GUCA1C: variants seen among roughly 807,000 people sequenced by gnomAD.
GUCA1C encodes guanylate cyclase activator 1C, also known as guanylyl cyclase-activating protein 3.
In GUCA1C, 15 loss-of-function variants were observed where a neutral mutation model predicts 16.2. The observed-to-expected ratio is 0.93, with a 90% CI of 0.62 to 1.43. The LOEUF is 1.43. Ranked by LOEUF, GUCA1C falls within the 40% of genes most tolerant of loss-of-function variation. The pLI is 0.00. For synonymous variants in GUCA1C, 78 were observed against 85.4 expected (o/e 0.91, Z 0.48); for missense variants, 275 against 244.8 (o/e 1.12, Z -0.82).
chr3:108,933,884 T>C (rs1182818984), intron 1 of GUCA1C, among the ~76,000 whole-genome samples: 5 of 152,190 alleles, frequency 3.3e-5, no homozygotes, highest in African/African-American at 9.6e-5. Context: ...TGCACACTCA[T>C]GTTTATTGCA....
chr3:108,920,634 TG>T, intron 1 of GUCA1C, 49 bp from the exon 2 acceptor site: 1 of 1,112,382 alleles, frequency 9.0e-7, no homozygotes, highest in African/African-American at 1.6e-5. Flanking sequence ...GAAGAATAAT[TG>T]TTTTTTATTT....
intron 1 of GUCA1C, among the ~76,000 whole-genome samples, chr3:108,951,908 T>A (rs1196353042): frequency 6.6e-6 from 1 of 152,196 alleles, no homozygotes; most frequent in Non-Finnish European, 1.5e-5. Context: ...CAGCAGATCC[T>A]TGCTTCCACC....
intron 1 of GUCA1C, among the ~76,000 whole-genome samples, chr3:108,943,681 A>G (rs910642081): frequency 2.6e-5 from 4 of 152,174 alleles, no homozygotes; most frequent in Admixed American, 1.3e-4. Flanking sequence ...GTAGAAAACT[A>G]CAGTAACATT....
intron 3 of GUCA1C, among the ~76,000 whole-genome samples, chr3:108,912,043 T>G (rs1325566858): frequency 6.6e-6 from 1 of 150,496 alleles, no homozygotes; most frequent in African/African-American, 2.4e-5. Context: ...GAGGCGGAGG[T>G]TGCAGTGAGC....
chr3:108,946,243 T>G (rs1397241668), intron 1 of GUCA1C, among the ~76,000 whole-genome samples: 1 of 152,206 alleles, frequency 6.6e-6, no homozygotes, highest in East Asian at 1.9e-4. Flanking sequence ...TCCTCCCACC[T>G]CAGCCTCCTA....
intron 1 of GUCA1C, among the ~76,000 whole-genome samples, chr3:108,932,332 AAAAAAAAC>A (rs1380204735): frequency 5.2e-5 from 6 of 114,784 alleles, no homozygotes; most frequent in African/African-American, 2.2e-4. Flanking sequence ...CCAAAAAAAA[AAAAAAAAC>A]AAAAAAAAAA....
chr3:108,953,608 T>A lies in GUCA1C; in HGVS notation c.155A>T (p.Lys52Met). The A allele has an allele frequency of 6.2e-7, 1 of 1,613,146 alleles. No individual in the cohort carries two copies. The highest frequency in any genetic ancestry group is 8.5e-7 in the Non-Finnish European group (1 of 1,179,082). Residue 52 changes from lysine to methionine, a missense_variant, in exon 1 of 4, where the codon AAG becomes ATG. By Grantham distance (95) the Lys-to-Met change is moderately conservative. Transcript: ENST00000261047. ...AACTTGATCAATATGTTTATTGGCC[T>A]TCTGATTCAGACCTTGCAGACCCAA... ...TLLGLQGLNQKANKHIDQVYN... is the reference protein window; with the variant it reads ...TLLGLQGLNQMANKHIDQVYN...
chr3:108,947,269 T>A (rs966564721), intron 1 of GUCA1C, among the ~76,000 whole-genome samples: 1 of 152,076 alleles, frequency 6.6e-6, no homozygotes, highest in African/African-American at 2.4e-5. Context: ...GAAAATATAT[T>A]TACTATTCTT....
intron 1 of GUCA1C, among the ~76,000 whole-genome samples, chr3:108,934,299 C>A (rs2107302389): frequency 6.6e-6 from 1 of 152,262 alleles, no homozygotes; most frequent in Admixed American, 6.5e-5. Context: ...ACCTATGTAA[C>A]AAACCTGCAT....
intron 1 of GUCA1C, among the ~76,000 whole-genome samples, chr3:108,951,359 T>G: frequency 6.6e-6 from 1 of 152,194 alleles, no homozygotes; most frequent in Admixed American, 6.5e-5. Context: ...ACAGTAACCC[T>G]TTTTCCTATC....
intron 1 of GUCA1C, among the ~76,000 whole-genome samples, chr3:108,922,558 T>C (rs1050923579): frequency 1.1e-4 from 16 of 152,150 alleles, no homozygotes; most frequent in African/African-American, 3.1e-4. Flanking sequence ...TGATATTGCA[T>C]TGTGGTTTTG....
intron 1 of GUCA1C, among the ~76,000 whole-genome samples, chr3:108,926,616 G>T (rs1946626071): frequency 6.6e-6 from 1 of 152,094 alleles, no homozygotes; most frequent in South Asian, 2.1e-4. Context: ...GAGTAGCTGG[G>T]ACTACAGGTG....
chr3:108,925,109 T>C (rs1432065816), intron 1 of GUCA1C, among the ~76,000 whole-genome samples: 2 of 151,930 alleles, frequency 1.3e-5, no homozygotes, highest in Non-Finnish European at 2.9e-5. Context: ...TTTTGTATTT[T>C]TTTTTTTGTT....
chr3:108,919,804 T>G (rs1479172521), intron 2 of GUCA1C, among the ~76,000 whole-genome samples: 3 of 152,310 alleles, frequency 2.0e-5, no homozygotes, highest in Admixed American at 2.0e-4. Flanking sequence ...CCTTACAAAT[T>G]CAATGTCTTG....
chr3:108,920,385 T>C (rs761906614), intron 2 of GUCA1C, 51 bp downstream of exon 2: 4 of 1,408,168 alleles, frequency 2.8e-6, no homozygotes, highest in Non-Finnish European at 3.0e-6. Flanking sequence ...GGAAGGGAAA[T>C]TGGGTTAACT....
upstream of GUCA1C, among the ~76,000 whole-genome samples, chr3:108,954,083 T>C (rs1946926753): frequency 6.6e-6 from 1 of 152,210 alleles, no homozygotes; most frequent in Non-Finnish European, 1.5e-5. Context: ...TTTGCCTACA[T>C]TATTGAGTGG....
intron 1 of GUCA1C, among the ~76,000 whole-genome samples, chr3:108,938,829 T>C (rs1946755461): frequency 1.3e-5 from 2 of 152,230 alleles, no homozygotes; most frequent in African/African-American, 4.8e-5. Context: ...CTGAGACAAA[T>C]GACTTCTCAT....
At chr3:108,953,493 A>G in intron 1 of GUCA1C, 66 bp downstream of exon 1, 2 of 1,120,472 alleles carry the variant, frequency 1.8e-6, no homozygotes, top group Non-Finnish European at 2.6e-6. Context: ...TACAGGAAAA[A>G]AAAAAAAAAG....
At chr3:108,940,081 T>C (rs1198937481) in intron 1 of GUCA1C, among the ~76,000 whole-genome samples, 1 of 152,226 alleles carries the variant, frequency 6.6e-6, no homozygotes. Flanking sequence ...TGCTTGATAG[T>C]ATATATGAAA....
Sources: gnomAD v4.1 joint callset for allele counts (sites outside exome capture counted in the v4.1 genomes callset) on GRCh38, gnomAD v4.1.1 for gene constraint, MANE v1.5 for transcripts, NCBI Gene and HGNC (gene_info 2026-07-23, HGNC 2026-07-21) for gene names.